Variants in KCNH7 observed in about 807,000 individuals in gnomAD.
KCNH7 encodes potassium voltage-gated channel subfamily H member 7, also known as voltage-gated inwardly rectifying potassium channel KCNH7.
KCNH7 carries 49 observed loss-of-function variants against 120.8 expected under a neutral mutation model. That is an observed-to-expected ratio of 0.41 (90% CI 0.32 to 0.51). The LOEUF (loss-of-function observed/expected upper bound fraction) is 0.51, where lower values mean the gene tolerates loss of function less well. Ranked by LOEUF, KCNH7 falls within the 20% of genes least tolerant of loss-of-function variation. KCNH7 has a pLI of 0.38. For synonymous variants in KCNH7, 547 were observed against 516.1 expected (o/e 1.06, Z -0.81); for missense variants, 1,097 against 1,446.6 (o/e 0.76, Z 3.92).
chr2:162,385,898 G>A (rs1310009382), intron 12 of KCNH7, among the ~76,000 whole-genome samples: 2 of 151,860 alleles, frequency 1.3e-5, no homozygotes, highest in Admixed American at 1.3e-4. Context: ...ATATGGCATA[G>A]AAATTCAACA....
At chr2:162,594,523 C>T (rs930755693) in intron 2 of KCNH7, among the ~76,000 whole-genome samples, 5 of 151,928 alleles carry the variant, frequency 3.3e-5, no homozygotes, top group Non-Finnish European at 7.4e-5. Context: ...AAAATATAGG[C>T]CAATATCTCT....
chr2:162,713,652 TA>T (rs1687005351), intron 2 of KCNH7, among the ~76,000 whole-genome samples: 1 of 152,210 alleles, frequency 6.6e-6, no homozygotes, highest in African/African-American at 2.4e-5. Context: ...TTATTTAATT[TA>T]AAAAATAAAG....
chr2:162,642,658 C>T (rs1039838327), intron 2 of KCNH7, among the ~76,000 whole-genome samples: 7 of 152,178 alleles, frequency 4.6e-5, no homozygotes, highest in African/African-American at 1.4e-4. Context: ...ACTGTGGTGG[C>T]TCCTAGGAGC....
intron 2 of KCNH7, among the ~76,000 whole-genome samples, chr2:162,787,876 T>C (rs1683770225): frequency 6.6e-6 from 1 of 152,062 alleles, no homozygotes; most frequent in Admixed American, 6.5e-5. Context: ...GCCCACGTGC[T>C]TGCTGACCTT....
Position 162,503,054 on chromosome 2 carries a change from C to T in KCNH7, c.1128+1389G>A, listed in dbSNP as rs559925800. The stretch of plus-strand genomic sequence containing the variant: ...AATTGGTCAAGCATTTCTGCCTAAC[C>T]GCAGTTAGACAGAGCTGCATATCAG... On this transcript the variant is annotated intron_variant, in intron 6 of 15. Transcript: ENST00000332142. Among the ~76,000 whole-genome samples the T allele has an allele frequency of 1.7e-3, 252 of 152,160 alleles. 2 individuals are homozygous for T. Among genetic ancestry groups the T allele is most frequent in the Non-Finnish European group, 2.0e-3 (139 of 67,984 alleles).
At chr2:162,609,128 T>C (rs1682876375) in intron 2 of KCNH7, among the ~76,000 whole-genome samples, 1 of 152,166 alleles carries the variant, frequency 6.6e-6, no homozygotes, top group Non-Finnish European at 1.5e-5. Context: ...CAGACATTTC[T>C]GCCTTCTCCT....
At chr2:162,834,930 T>C (rs1488369770) in intron 2 of KCNH7, among the ~76,000 whole-genome samples, 2 of 152,102 alleles carry the variant, frequency 1.3e-5, no homozygotes, top group African/African-American at 4.8e-5. Context: ...CAACATTCAC[T>C]GAAGTTACCA....
chr2:162,446,750 T>C (rs1009532382), intron 6 of KCNH7, among the ~76,000 whole-genome samples: 32 of 152,150 alleles, frequency 2.1e-4, no homozygotes, highest in African/African-American at 7.7e-4. Flanking sequence ...ACATCTCAGA[T>C]GTAAAAATAC....
intron 6 of KCNH7, among the ~76,000 whole-genome samples, chr2:162,448,044 C>A (rs540526572): frequency 6.6e-6 from 1 of 152,104 alleles, no homozygotes; most frequent in African/African-American, 2.4e-5. Context: ...TTATTTTAAG[C>A]TATTATGAGA....
chr2:162,553,758 C>T (rs1692765360), intron 2 of KCNH7, among the ~76,000 whole-genome samples: 1 of 152,134 alleles, frequency 6.6e-6, no homozygotes, highest in African/African-American at 2.4e-5. Flanking sequence ...TTAATTGTCT[C>T]AAAAGATAAT....
intron 1 of KCNH7, 58 bp downstream of exon 1, chr2:162,838,385 G>A (rs1397779129): frequency 4.4e-5 from 62 of 1,420,460 alleles, no homozygotes; most frequent in Non-Finnish European, 5.6e-5. Flanking sequence ...AGCGGTGGAC[G>A]CCAAGTGCAC....
intron 9 of KCNH7, among the ~76,000 whole-genome samples, chr2:162,407,542 C>T (rs1002713911): frequency 6.6e-6 from 1 of 151,906 alleles, no homozygotes; most frequent in African/African-American, 2.4e-5. Context: ...GCTCTGGAGT[C>T]CTTGTGTTAA....
chr2:162,833,047 T>A (rs1252975785), intron 2 of KCNH7, among the ~76,000 whole-genome samples: 3 of 152,076 alleles, frequency 2.0e-5, no homozygotes, highest in Non-Finnish European at 2.9e-5. Context: ...ACAGGAACGC[T>A]CTGACCTCAA....
chr2:162,741,529 A>G (rs527439243), intron 2 of KCNH7, among the ~76,000 whole-genome samples: 1 of 152,144 alleles, frequency 6.6e-6, no homozygotes, highest in Non-Finnish European at 1.5e-5. Flanking sequence ...TATTTTATCC[A>G]TCTATCACAA....
chr2:162,499,122 T>C (rs1219708915), intron 6 of KCNH7, among the ~76,000 whole-genome samples: 1 of 152,092 alleles, frequency 6.6e-6, no homozygotes, highest in Non-Finnish European at 1.5e-5. Flanking sequence ...TTGTCAAAGC[T>C]GAATATGGCA....
At chr2:162,813,970 A>G (rs962474298) in intron 2 of KCNH7, among the ~76,000 whole-genome samples, 1 of 152,226 alleles carries the variant, frequency 6.6e-6, no homozygotes, top group Non-Finnish European at 1.5e-5. Context: ...AAAAAAGTGA[A>G]TCATTCCATT....
intron 2 of KCNH7, among the ~76,000 whole-genome samples, chr2:162,605,724 T>A (rs961960177): frequency 1.3e-5 from 2 of 152,178 alleles, no homozygotes; most frequent in Non-Finnish European, 2.9e-5. Flanking sequence ...ATGGAAAATA[T>A]TCTAATATAA....
chr2:162,620,780 T>G (rs1415542784), intron 2 of KCNH7, among the ~76,000 whole-genome samples: 1 of 152,144 alleles, frequency 6.6e-6, no homozygotes, highest in Non-Finnish European at 1.5e-5. Context: ...TGCATCTTTT[T>G]TTAGGTGCCA....
intron 2 of KCNH7, among the ~76,000 whole-genome samples, chr2:162,752,837 G>T (rs1330269278): frequency 2.7e-5 from 4 of 148,688 alleles, no homozygotes; most frequent in Non-Finnish European, 5.9e-5. Context: ...GGAGGCAGAG[G>T]TTGCAGTGAG....
Sources: allele counts gnomAD v4.1 joint callset (sites outside exome capture counted in the v4.1 genomes callset), GRCh38; gene constraint gnomAD v4.1.1; transcripts MANE v1.5; gene names NCBI Gene and HGNC (gene_info 2026-07-23, HGNC 2026-07-21).